The following MAP2K5 variants were observed in gnomAD, a reference collection of about 807,000 sequenced individuals.
MAP2K5 encodes the protein mitogen-activated protein kinase kinase 5, also known as dual specificity mitogen-activated protein kinase kinase 5.
Under a neutral mutation model 83.1 loss-of-function variants are expected in MAP2K5, and 49 were observed. The observed-to-expected ratio is 0.59, with a 90% CI of 0.47 to 0.75. The LOEUF (loss-of-function observed/expected upper bound fraction) is 0.75. MAP2K5 is among the 30% of genes least tolerant of loss of function. The pLI is 0.00. For missense variants in MAP2K5, 457 were observed against 557.5 expected (o/e 0.82, Z 1.82); for synonymous variants, 202 against 191.8 (o/e 1.05, Z -0.44).
intron 1 of MAP2K5, among the ~76,000 whole-genome samples, chr15:67,548,798 G>T (rs943385377): frequency 6.6e-6 from 1 of 151,912 alleles, no homozygotes; most frequent in Non-Finnish European, 1.5e-5. Context: ...TCAAAAAGTT[G>T]ATGTTTCATT....
At chr15:67,629,533 T>G (rs546236482) in intron 8 of MAP2K5, among the ~76,000 whole-genome samples, 31 of 152,314 alleles carry the variant, frequency 2.0e-4, no homozygotes, top group African/African-American at 7.5e-4. Context: ...GTTTCCATGT[T>G]GGCAGTAGTG....
chr15:67,703,110 A>G (rs2088463215), intron 15 of MAP2K5, among the ~76,000 whole-genome samples: 1 of 152,218 alleles, frequency 6.6e-6, no homozygotes, highest in Non-Finnish European at 1.5e-5. Context: ...TCTTCCTCAC[A>G]GGGACTTGGT....
chr15:67,551,362 A>G (rs1305752180), intron 2 of MAP2K5, among the ~76,000 whole-genome samples: 1 of 151,966 alleles, frequency 6.6e-6, no homozygotes, highest in East Asian at 1.9e-4. Flanking sequence ...TAGAGACAGG[A>G]TCTTGCCTTG....
intron 16 of MAP2K5, among the ~76,000 whole-genome samples, chr15:67,714,889 T>C (rs958392857): frequency 1.4e-4 from 22 of 152,294 alleles, no homozygotes; most frequent in African/African-American, 5.1e-4. Context: ...ATCTGAAATA[T>C]TTCTGGTCCC....
chr15:67,626,153 A>G lies in MAP2K5; in HGVS notation c.546-4735A>G, dbSNP rs75279692. Among the ~76,000 whole-genome samples the G allele has an allele frequency of 9.7e-3, 1,477 of 152,290 alleles. 29 individuals carry two copies. Among genetic ancestry groups the G allele is most frequent in the African/African-American group, 0.034 (1,414 of 41,534 alleles). On this transcript the variant is annotated intron_variant, in intron 8 of 21. Coordinates refer to ENST00000178640, the MANE Select transcript of MAP2K5 (RefSeq NM_145160.3). The stretch of plus-strand genomic sequence containing the variant: ...AAGAATCTGTGATGTGGAGGGGGAA[A>G]AATAATATATCACAAAGTCTTACGT...
chr15:67,635,357 A>G (rs12901232), intron 9 of MAP2K5, among the ~76,000 whole-genome samples: 149,170 of 151,994 alleles, frequency 0.98, 73,274 homozygotes, highest in Middle Eastern at 1. Flanking sequence ...TTCTACTTTT[A>G]GTAGAGATGG....
At chr15:67,590,348 G>A (rs979238655) in intron 6 of MAP2K5, among the ~76,000 whole-genome samples, 1 of 149,220 alleles carries the variant, frequency 6.7e-6, no homozygotes, top group African/African-American at 2.5e-5. Context: ...TTTCATATTA[G>A]GTCTTGAGTC....
rs2086656134 is a variant in MAP2K5, at chr15:67,638,861, T to A, written c.586-7370T>A. ...TTTTTCCATAGGATTGTTGGCCTCG[T>A]GTATATCTTCTTTTGAGAAGTGTCT... On this transcript the variant is annotated intron_variant, in intron 9 of 21. Transcript: ENST00000178640. This position sits in a 1 kb window ranked among gnomAD's most constrained non-coding sequence, Gnocchi z 4.5. Among the ~76,000 whole-genome samples, 1 of 152,238 alleles carries A rather than the reference T, an allele frequency of 6.6e-6. No homozygotes were observed. The highest frequency in any genetic ancestry group is 1.5e-5 in the Non-Finnish European group (1 of 68,042).
intron 11 of MAP2K5, among the ~76,000 whole-genome samples, chr15:67,648,040 A>G (rs556505295): frequency 2.0e-3 from 307 of 152,290 alleles, no homozygotes; most frequent in Non-Finnish European, 3.1e-3. Flanking sequence ...ACCCTGTATC[A>G]AAAAACAAAT....
In MAP2K5 at chr15:67,543,658, C is replaced by T. The variant is rs140968240; in HGVS notation, c.135+188C>T. Among the ~76,000 whole-genome samples the T allele has an allele frequency of 3.7e-3, 558 of 152,210 alleles. 3 individuals carry two copies. The highest frequency in any genetic ancestry group is 0.013 in the African/African-American group (539 of 41,542). On this transcript the variant is annotated intron_variant, in intron 1 of 21. Coordinates refer to ENST00000178640, the MANE Select transcript of MAP2K5 (RefSeq NM_145160.3). The surrounding 1 kb of genome is among the most constrained non-coding windows in gnomAD (Gnocchi z 4.3). ...ACTAAAACCTGGCAAATGTCTAGGA[C>T]CCTGGGGAGATAGATCAATCTGACT...
At chr15:67,647,073 A>G (rs1433250484) in intron 11 of MAP2K5, among the ~76,000 whole-genome samples, 1 of 152,138 alleles carries the variant, frequency 6.6e-6, no homozygotes, top group Non-Finnish European at 1.5e-5. Context: ...CATTATTATT[A>G]TTTACCAATT....
intron 8 of MAP2K5, among the ~76,000 whole-genome samples, chr15:67,617,239 C>G (rs1368197338): frequency 1.3e-5 from 2 of 152,104 alleles, no homozygotes; most frequent in Admixed American, 6.6e-5. Context: ...TATAGGCCAG[C>G]CTCCCCCATT....
intron 4 of MAP2K5, among the ~76,000 whole-genome samples, chr15:67,583,883 G>C (rs1435073324): frequency 6.6e-6 from 1 of 151,926 alleles, no homozygotes; most frequent in Non-Finnish European, 1.5e-5. Context: ...AGTAGCTGGG[G>C]CTACAGGCAT....
At position 67,702,833 on chromosome 15, in the gene MAP2K5, A is replaced by G. The variant is rs1246584296; in HGVS notation, c.973-504A>G. 1.3e-5 allele frequency among the ~76,000 whole-genome samples: 2 copies of G among 152,196 alleles called. No homozygotes were observed. Among genetic ancestry groups the G allele is most frequent in the Non-Finnish European group, 2.9e-5 (2 of 68,036 alleles). The stretch of plus-strand genomic sequence containing the variant: ...TAGGAATGTGTATTGCTCTGATCTC[A>G]TTTTTTCAAATTTCCTATAAGTTTG... On this transcript the variant is annotated intron_variant, in intron 15 of 21. Transcript: ENST00000178640. The surrounding 1 kb of genome is among the most constrained non-coding windows in gnomAD (Gnocchi z 4.6).
intron 4 of MAP2K5, among the ~76,000 whole-genome samples, chr15:67,582,481 A>G (rs372946464): frequency 4.6e-5 from 7 of 152,162 alleles, no homozygotes; most frequent in African/African-American, 1.7e-4. Flanking sequence ...CTCTATTGAC[A>G]TTATAGCTCT....
chr15:67,548,763 A>C lies in MAP2K5; in HGVS notation c.136-1271A>C, dbSNP rs764473354. Among the ~76,000 whole-genome samples the C allele has an allele frequency of 4.6e-5, 7 of 152,342 alleles. No individual in the cohort carries two copies. The South Asian group carries it at 1.5e-3, about 32-fold the overall frequency. ...GAGAGTGTAGAAATAATTTTTTAAC[A>C]CTAAAATCTTTTATAGATGCTTCCT... On this transcript the variant is annotated intron_variant, in intron 1 of 21. Coordinates refer to ENST00000178640, the MANE Select transcript of MAP2K5 (RefSeq NM_145160.3).
At position 67,662,921 on chromosome 15, in the gene MAP2K5, A is replaced by G. The variant is rs2087274800; in HGVS notation, c.799-1676A>G. ...GATATACTTCATTCTTTCCTGCCCC[A>G]ATATACTTTATAAATTTGGGGGGAG... is the stretch of plus-strand genomic sequence containing the variant. On this transcript the variant is annotated intron_variant, in intron 12 of 21. Coordinates refer to ENST00000178640, the MANE Select transcript of MAP2K5 (RefSeq NM_145160.3). Among the ~76,000 whole-genome samples the G allele has an allele frequency of 2.0e-5, 3 of 152,188 alleles. No homozygotes were observed. In the South Asian group the frequency reaches 6.2e-4, roughly 32 times the overall value.
intron 16 of MAP2K5, chr15:67,718,283 C>T (rs775272956): frequency 6.6e-6 from 1 of 152,150 alleles, no homozygotes; most frequent in African/African-American, 2.4e-5. Flanking sequence ...TGGAAGCCCC[C>T]AAAGCTAGGT....
At chr15:67,713,425 G>A (rs376484517) in intron 16 of MAP2K5, among the ~76,000 whole-genome samples, 1 of 152,196 alleles carries the variant, frequency 6.6e-6, no homozygotes, top group East Asian at 1.9e-4. Flanking sequence ...CTGTGTAAAT[G>A]TAAATAAAAG....
Sources: allele counts gnomAD v4.1 joint callset (sites outside exome capture counted in the v4.1 genomes callset), GRCh38; gene constraint gnomAD v4.1.1; non-coding constraint Gnocchi (gnomAD v3.1); transcripts MANE v1.5; gene names NCBI Gene and HGNC (gene_info 2026-07-23, HGNC 2026-07-21).